The following ARMH4 variants were observed in gnomAD, a reference collection of about 807,000 sequenced individuals.
ARMH4 encodes the protein armadillo-like helical domain-containing protein 4.
Under a neutral mutation model 61.9 loss-of-function variants are expected in ARMH4, and 49 were observed. The ratio of observed to expected loss-of-function variants is 0.79; its 90% CI spans 0.63 to 1.00. The LOEUF is 1.00. Ranked by LOEUF, ARMH4 falls within the 50% of genes least tolerant of loss-of-function variation. The pLI, the probability that ARMH4 is intolerant of heterozygous loss-of-function variation, is 0.00. For synonymous variants in ARMH4, 368 were observed against 341.5 expected, an observed-to-expected ratio of 1.08 and a Z score of -0.85; for missense variants, 934 against 930.0, an observed-to-expected ratio of 1.00 and a Z score of -0.06.
rs931328839 is a variant in ARMH4, at chr14:58,002,828, C to T, written c.*1908G>A. The T allele has an allele frequency of 6.6e-6, 1 of 152,236 alleles. No homozygotes were observed. The highest frequency in any genetic ancestry group is 2.4e-5 in the African/African-American group (1 of 41,468). 9.4% of individuals were successfully genotyped at this position (152,236 alleles called of 1,614,324 possible). On this transcript the variant is annotated 3_prime_UTR_variant, in exon 8 of 8. Coordinates refer to ENST00000267485, the MANE Select transcript of ARMH4 (RefSeq NM_001001872.4). ...TCTATTTTTAAAATCTGACCTTGAG[C>T]TAATTTGCCAGTTGCTAACTTCTAT...
chr14:58,085,510 G>T (rs1296433440), intron 5 of ARMH4, among the ~76,000 whole-genome samples: 1 of 152,046 alleles, frequency 6.6e-6, no homozygotes, highest in African/African-American at 2.4e-5. Context: ...TAACTGTAGT[G>T]GATGAAGAGG....
At chr14:58,017,175 G>A (rs1029818949) in intron 5 of ARMH4, among the ~76,000 whole-genome samples, 2 of 152,026 alleles carry the variant, frequency 1.3e-5, no homozygotes, top group African/African-American at 4.8e-5. Context: ...AATTAGCTGG[G>A]TGTAGTGGCA....
At chr14:58,148,846 TACACACAC>T (rs138826141) in intron 1 of ARMH4, among the ~76,000 whole-genome samples, 21 of 145,814 alleles carry the variant, frequency 1.4e-4, no homozygotes, top group African/African-American at 3.0e-4. Context: ...CAGAGTTTAT[TACACACAC>T]ACACACACAC....
intron 1 of ARMH4, among the ~76,000 whole-genome samples, chr14:58,146,711 T>C (rs1006420252): frequency 5.3e-5 from 8 of 152,340 alleles, no homozygotes; most frequent in African/African-American, 1.9e-4. Flanking sequence ...AATACCAGCC[T>C]TGGCCATCTG....
chr14:58,095,274 T>C (rs995442948), intron 5 of ARMH4, among the ~76,000 whole-genome samples: 4 of 152,216 alleles, frequency 2.6e-5, no homozygotes, highest in Non-Finnish European at 5.9e-5. Flanking sequence ...TGAAAGGCTG[T>C]TTAACTGTAC....
intron 6 of ARMH4, among the ~76,000 whole-genome samples, chr14:58,010,033 T>C (rs1366951029): frequency 2.0e-5 from 3 of 152,112 alleles, no homozygotes; most frequent in Non-Finnish European, 2.9e-5. Flanking sequence ...ACTGGAACAA[T>C]TAAATGAAGC....
chr14:58,133,258 G>T lies in ARMH4; in HGVS notation c.1453C>A (p.Leu485Ile), dbSNP rs375754198. The change falls in exon 3 of 8, where the codon CTC becomes ATC. Residue 485 changes from leucine to isoleucine, a missense_variant. Leu to Ile is a conservative substitution (Grantham distance 5, BLOSUM62 2). Transcript: ENST00000267485. The part of the protein sequence containing the change: ...SMVTQEQVAT[L>I]ELIRDSGKTE... ...TTGCCACTGTCTCTGATAAGCTCGA[G>T]GGTAGCAACCTGCTCTTGTGTCACC... 2.2e-5 allele frequency: 35 copies of T among 1,614,092 alleles called. No individual in the cohort carries two copies. The African/African-American group carries it at 4.4e-4, about 20-fold the overall frequency.
chr14:58,032,159 A>C (rs938923020), intron 5 of ARMH4, among the ~76,000 whole-genome samples: 1 of 152,098 alleles, frequency 6.6e-6, no homozygotes, highest in Non-Finnish European at 1.5e-5. Flanking sequence ...CCTACACTAG[A>C]TCTCTCATCT....
At chr14:58,052,023 G>C (rs1884160641) in intron 5 of ARMH4, among the ~76,000 whole-genome samples, 2 of 152,122 alleles carry the variant, frequency 1.3e-5, no homozygotes, top group African/African-American at 4.8e-5. Flanking sequence ...ATTACCCAAA[G>C]GGTCTCTGCC....
At chr14:58,097,619 A>G (rs1885797921) in intron 4 of ARMH4, among the ~76,000 whole-genome samples, 1 of 152,224 alleles carries the variant, frequency 6.6e-6, no homozygotes, top group Admixed American at 6.5e-5. Flanking sequence ...GAAAGGCAGC[A>G]CATTAAAAAT....
chr14:58,029,561 A>C (rs928020523), intron 5 of ARMH4, among the ~76,000 whole-genome samples: 1 of 152,122 alleles, frequency 6.6e-6, no homozygotes, highest in Non-Finnish European at 1.5e-5. Context: ...GTTAACCCAC[A>C]CTGTAGCATT....
At chr14:58,054,634 A>G (rs1884261169) in intron 5 of ARMH4, among the ~76,000 whole-genome samples, 1 of 152,168 alleles carries the variant, frequency 6.6e-6, no homozygotes. Flanking sequence ...ACAGTGGCTC[A>G]TGACTGTAAT....
intron 6 of ARMH4, among the ~76,000 whole-genome samples, chr14:58,011,543 A>G (rs1882406137): frequency 6.6e-6 from 1 of 152,176 alleles, no homozygotes; most frequent in African/African-American, 2.4e-5. Flanking sequence ...GTTTAAAATT[A>G]CCAAGTAACC....
At chr14:58,026,755 T>TTAGCA (rs1352477839) in intron 5 of ARMH4, among the ~76,000 whole-genome samples, 1 of 152,148 alleles carries the variant, frequency 6.6e-6, no homozygotes, top group Non-Finnish European at 1.5e-5. Context: ...ATAAGCCACT[T>TTAGCA]TAGCATCAAG....
At chr14:58,143,554 C>T (rs1410966944) in intron 1 of ARMH4, among the ~76,000 whole-genome samples, 1 of 152,142 alleles carries the variant, frequency 6.6e-6, no homozygotes, top group East Asian at 1.9e-4. Context: ...ACCTCTGTCA[C>T]CCAGGTTCAA....
chr14:58,061,996 A>C (rs1466898508), intron 5 of ARMH4, among the ~76,000 whole-genome samples: 1 of 151,756 alleles, frequency 6.6e-6, no homozygotes, highest in Non-Finnish European at 1.5e-5. Flanking sequence ...AAAAGCAAAC[A>C]AAAACAGGGG....
intron 4 of ARMH4, among the ~76,000 whole-genome samples, chr14:58,111,497 G>T (rs1471658548): frequency 2.6e-5 from 4 of 152,156 alleles, no homozygotes; most frequent in African/African-American, 9.7e-5. Flanking sequence ...AAACTAGGTG[G>T]CTTAAACAAC....
intron 4 of ARMH4, among the ~76,000 whole-genome samples, chr14:58,108,239 G>A (rs1279875467): frequency 6.6e-6 from 1 of 152,114 alleles, no homozygotes; most frequent in African/African-American, 2.4e-5. Context: ...AGCTGACTTA[G>A]AATACATAGA....
At chr14:58,071,518 C>G (rs574558359) in intron 5 of ARMH4, among the ~76,000 whole-genome samples, 59 of 152,200 alleles carry the variant, frequency 3.9e-4, no homozygotes, top group African/African-American at 1.3e-3. Flanking sequence ...ATAACTGGTG[C>G]CAAATTGGCT....
Sources: gnomAD v4.1 joint callset for allele counts (sites outside exome capture counted in the v4.1 genomes callset) on GRCh38, gnomAD v4.1.1 for gene constraint, MANE v1.5 for transcripts, NCBI Gene and HGNC (gene_info 2026-07-23, HGNC 2026-07-21) for gene names.